Variants in KCNQ5 observed in about 807,000 individuals in gnomAD.
KCNQ5 encodes the protein potassium voltage-gated channel subfamily Q member 5.
Under a neutral mutation model 98.2 loss-of-function variants are expected in KCNQ5, and 30 were observed. The ratio of observed to expected loss-of-function variants is 0.31; its 90% CI spans 0.23 to 0.41. KCNQ5 has a LOEUF of 0.41. Among genes scored for constraint, KCNQ5 ranks in the 10% least tolerant of loss-of-function variants. The probability of loss-of-function intolerance (pLI) is 1.00; values close to 1 mark genes in which losing one functional copy is unlikely to be tolerated. For synonymous variants in KCNQ5, 458 were observed against 449.4 expected (o/e 1.02, Z -0.24); for missense variants, 835 against 1,182.5 (o/e 0.71, Z 4.31).
chr6:73,166,681 G>A lies in KCNQ5; in HGVS notation c.1469-3065G>A, dbSNP rs574299401. 3.2e-4 allele frequency among the ~76,000 whole-genome samples: 49 copies of A among 152,236 alleles called. 1 individual carries two copies. The South Asian group carries it at 5.6e-3, about 17-fold the overall frequency. ...ACAGAAGTGTATTATCTCACAGTAC[G>A]GGAGTCCAGAAGTCTGAAATCATGG... is the stretch of plus-strand genomic sequence containing the variant. On this transcript the variant is annotated intron_variant, in intron 10 of 13. Transcript: ENST00000370398.
At chr6:73,091,390 G>A (rs1283272277) in intron 5 of KCNQ5, among the ~76,000 whole-genome samples, 2 of 151,990 alleles carry the variant, frequency 1.3e-5, no homozygotes, top group East Asian at 1.9e-4. Flanking sequence ...GCTGATGGGT[G>A]CAACAAACCA....
chr6:72,976,249 C>G (rs1350413968), intron 1 of KCNQ5, among the ~76,000 whole-genome samples: 1 of 152,108 alleles, frequency 6.6e-6, no homozygotes, highest in East Asian at 1.9e-4. Context: ...ATGGTTAAGT[C>G]ATTATTTGCC....
chr6:73,006,575 C>T (rs1404348194), intron 2 of KCNQ5, among the ~76,000 whole-genome samples: 1 of 152,126 alleles, frequency 6.6e-6, no homozygotes, highest in Non-Finnish European at 1.5e-5. Flanking sequence ...ATAGCTTGAA[C>T]CCAGGAGGCG....
At chr6:72,752,780 A>G (rs1252494558) in intron 1 of KCNQ5, among the ~76,000 whole-genome samples, 1 of 152,110 alleles carries the variant, frequency 6.6e-6, no homozygotes, top group Non-Finnish European at 1.5e-5. Flanking sequence ...AACCTATCAT[A>G]TTGTGTTTCT....
chr6:72,854,323 A>G (rs1337864512), intron 1 of KCNQ5, among the ~76,000 whole-genome samples: 5 of 152,204 alleles, frequency 3.3e-5, no homozygotes, highest in African/African-American at 1.2e-4. Context: ...AACTAATGGT[A>G]CATATAAAAT....
chr6:73,032,854 G>C (rs374926151), intron 2 of KCNQ5, among the ~76,000 whole-genome samples: 1 of 151,910 alleles, frequency 6.6e-6, no homozygotes, highest in African/African-American at 2.4e-5. Context: ...CCTCAGTAAG[G>C]CTCCTCCACA....
Position 73,077,362 on chromosome 6 carries a change from A to G in KCNQ5, c.657A>G (p.Ala219=). The stretch of plus-strand genomic sequence containing the variant: ...TCGCTTCAATAGCAGTTGTTTCTGC[A>G]AAAACTCAGGGTAATATTTTTGCCA... ...VLIASIAVVS[A]KTQGNIFATS... The change falls in exon 4 of 14, where the codon GCA becomes GCG. Residue 219 remains alanine (A), a synonymous_variant. Coordinates refer to ENST00000370398, the MANE Select transcript of KCNQ5 (RefSeq NM_019842.4). 1 of 1,614,104 alleles carries G rather than the reference A, an allele frequency of 6.2e-7. No homozygotes were observed. Among genetic ancestry groups the G allele is most frequent in the Non-Finnish European group, 8.5e-7 (1 of 1,179,986 alleles).
At chr6:72,949,353 G>A (rs1319208421) in intron 1 of KCNQ5, among the ~76,000 whole-genome samples, 3 of 152,152 alleles carry the variant, frequency 2.0e-5, no homozygotes, top group Non-Finnish European at 4.4e-5. Flanking sequence ...ATGCTAAGTG[G>A]AGCAAGATCC....
chr6:72,710,439 A>G lies in KCNQ5; in HGVS notation c.398+87852A>G, dbSNP rs149380805. Among the ~76,000 whole-genome samples, 874 of 152,336 alleles carry G rather than the reference A, an allele frequency of 5.7e-3. 6 individuals carry two copies. Among genetic ancestry groups the G allele is most frequent in the Non-Finnish European group, 8.1e-3 (554 of 68,024 alleles). Reference sequence around the variant, plus strand: ...AACAAGACCCAACTGTATGCTGCCTACAAGAGACTAATTTCACCTTAAAAT... The same window carrying G: ...AACAAGACCCAACTGTATGCTGCCTGCAAGAGACTAATTTCACCTTAAAAT... On this transcript the variant is annotated intron_variant, in intron 1 of 13. Transcript: ENST00000370398.
intron 1 of KCNQ5, among the ~76,000 whole-genome samples, chr6:72,916,730 A>T (rs1780158879): frequency 6.6e-6 from 1 of 152,216 alleles, no homozygotes; most frequent in Non-Finnish European, 1.5e-5. Flanking sequence ...CTATATAACT[A>T]CAGTCTTCTG....
intron 1 of KCNQ5, among the ~76,000 whole-genome samples, chr6:72,821,719 T>G (rs1247553994): frequency 6.6e-6 from 1 of 152,110 alleles, no homozygotes; most frequent in African/African-American, 2.4e-5. Context: ...TTGCTTCTGC[T>G]TTTATTGAAA....
At chr6:72,830,402 C>G (rs957727814) in intron 1 of KCNQ5, among the ~76,000 whole-genome samples, 2 of 152,168 alleles carry the variant, frequency 1.3e-5, no homozygotes, top group Non-Finnish European at 2.9e-5. Flanking sequence ...ACCAATGGAA[C>G]AGAACAGAGT....
At chr6:72,723,106 T>A (rs901364992) in intron 1 of KCNQ5, among the ~76,000 whole-genome samples, 2 of 152,144 alleles carry the variant, frequency 1.3e-5, no homozygotes, top group Non-Finnish European at 2.9e-5. Flanking sequence ...TCCTCCCACC[T>A]CAACCTCCCC....
At chr6:73,000,611 T>G (rs1408630937) in intron 1 of KCNQ5, among the ~76,000 whole-genome samples, 1 of 152,184 alleles carries the variant, frequency 6.6e-6, no homozygotes, top group Non-Finnish European at 1.5e-5. Flanking sequence ...TTCTCCTGAC[T>G]TGTACAGTCA....
rs572287175 is a variant in KCNQ5 at position 73,157,159 on chromosome 6, A to G, written c.1469-12587A>G. Among the ~76,000 whole-genome samples, 4 of 152,358 alleles carry G rather than the reference A, an allele frequency of 2.6e-5. No homozygotes were observed. In the South Asian group the frequency reaches 8.3e-4, roughly 32 times the overall value. On this transcript the variant is annotated intron_variant, in intron 10 of 13. Transcript: ENST00000370398. The stretch of plus-strand genomic sequence containing the variant: ...CTTCATTCGTGCCAGGAAACATGCA[A>G]AATTAAACGCCTCGTTTCCTCGAGC...
At chr6:73,029,953 G>A (rs1025880188) in intron 2 of KCNQ5, among the ~76,000 whole-genome samples, 6 of 150,730 alleles carry the variant, frequency 4.0e-5, no homozygotes, top group African/African-American at 1.2e-4. Flanking sequence ...TGGCATGAGT[G>A]GTCTTGAATG....
At chr6:72,864,388 A>T (rs1317036053) in intron 1 of KCNQ5, among the ~76,000 whole-genome samples, 1 of 152,188 alleles carries the variant, frequency 6.6e-6, no homozygotes, top group African/African-American at 2.4e-5. Context: ...TCCTAACTTA[A>T]TGCCAGTTCC....
intron 11 of KCNQ5, among the ~76,000 whole-genome samples, chr6:73,171,706 A>C (rs1778022457): frequency 6.6e-6 from 1 of 152,234 alleles, no homozygotes; most frequent in Non-Finnish European, 1.5e-5. Flanking sequence ...AGAAAATTTT[A>C]TTGAACATTA....
intron 1 of KCNQ5, among the ~76,000 whole-genome samples, chr6:72,929,777 C>T (rs889649723): frequency 1.6e-4 from 25 of 151,966 alleles, no homozygotes; most frequent in Non-Finnish European, 3.4e-4. Flanking sequence ...TAATTTAAAA[C>T]GTATACAATT....
Sources: gnomAD v4.1 joint callset for allele counts (sites outside exome capture counted in the v4.1 genomes callset) on GRCh38, gnomAD v4.1.1 for gene constraint, MANE v1.5 for transcripts, NCBI Gene and HGNC (gene_info 2026-07-23, HGNC 2026-07-21) for gene names.